The following RANBP2 variants were observed in gnomAD, a reference collection of about 807,000 sequenced individuals.
RANBP2 encodes the protein RAN binding protein 2.
A neutral mutation model predicts 303.6 loss-of-function variants in RANBP2; 57 were observed. That is an observed-to-expected ratio of 0.19 (90% CI 0.15 to 0.23). RANBP2 has a LOEUF of 0.23. Among genes scored for constraint, RANBP2 ranks in the 10% least tolerant of loss-of-function variants. The pLI, the probability that RANBP2 is intolerant of heterozygous loss-of-function variation, is 1.00. For missense variants in RANBP2, 3,138 were observed against 3,780.8 expected (o/e 0.83, Z 4.46); for synonymous variants, 1,167 against 1,301.5 (o/e 0.90, Z 2.23).
the RANBP2 span, among the ~76,000 whole-genome samples, chr2:109,001,046 T>C: frequency 1.3e-5 from 2 of 152,306 alleles, no homozygotes; most frequent in African/African-American, 2.4e-5. Flanking sequence ...CCTCACCCCA[T>C]TGTAGGTTTC....
chr2:108,769,882 A>G (rs994166960), intron 20 of RANBP2, among the ~76,000 whole-genome samples: 2 of 151,966 alleles, frequency 1.3e-5, no homozygotes, highest in Admixed American at 6.6e-5. Flanking sequence ...GGGAAGTGAA[A>G]TCTCACCCTT....
At chr2:109,575,098 C>T in the RANBP2 span, among the ~76,000 whole-genome samples, 2 of 152,154 alleles carry the variant, frequency 1.3e-5, no homozygotes, top group African/African-American at 2.4e-5. Context: ...TTTGTACTTC[C>T]GAAACCATCA....
chr2:109,210,759 G>A, the RANBP2 span, among the ~76,000 whole-genome samples: 1 of 152,166 alleles, frequency 6.6e-6, no homozygotes, highest in Non-Finnish European at 1.5e-5. Flanking sequence ...GAAATGCTGT[G>A]AATTAGTCGA....
the RANBP2 span, among the ~76,000 whole-genome samples, chr2:109,408,600 C>T: frequency 2.0e-5 from 3 of 152,338 alleles, no homozygotes; most frequent in South Asian, 2.1e-4. Flanking sequence ...AGCTTCGCTG[C>T]GGCAAGAGAG....
At chr2:109,108,450 C>G in the RANBP2 span, among the ~76,000 whole-genome samples, 2 of 152,158 alleles carry the variant, frequency 1.3e-5, no homozygotes, top group Non-Finnish European at 1.5e-5. Flanking sequence ...ATTCAGGGCT[C>G]TATTGGAGAA....
chr2:109,451,317 A>G, the RANBP2 span, among the ~76,000 whole-genome samples: 1 of 152,154 alleles, frequency 6.6e-6, no homozygotes, highest in Non-Finnish European at 1.5e-5. Flanking sequence ...GGGTCTCATC[A>G]GGAGGGAGAG....
At chr2:109,006,398 G>T in the RANBP2 span, among the ~76,000 whole-genome samples, 1 of 152,100 alleles carries the variant, frequency 6.6e-6, no homozygotes, top group African/African-American at 2.4e-5. Context: ...GTTTCACTAT[G>T]TTGGCCAGGC....
the RANBP2 span, among the ~76,000 whole-genome samples, chr2:109,446,119 G>A: frequency 7.9e-5 from 12 of 152,198 alleles, no homozygotes; most frequent in Admixed American, 5.2e-4. Context: ...TGGGGCACCC[G>A]GGGTGGGTGA....
the RANBP2 span, chr2:108,794,803 A>G: frequency 1.6e-5 from 16 of 1,008,600 alleles, no homozygotes; most frequent in South Asian, 1.9e-4. Flanking sequence ...AATATAATAT[A>G]TTTCATTTTA....
the RANBP2 span, among the ~76,000 whole-genome samples, chr2:109,006,575 C>T: frequency 3.9e-5 from 6 of 152,188 alleles, no homozygotes; most frequent in Non-Finnish European, 7.3e-5. Flanking sequence ...ACTTGCGAGT[C>T]GTGGCAGCCC....
the RANBP2 span, among the ~76,000 whole-genome samples, chr2:109,517,418 C>T: frequency 6.6e-6 from 1 of 152,178 alleles, no homozygotes; most frequent in East Asian, 1.9e-4. Flanking sequence ...TGGAATCTTC[C>T]GGAAGCTGCC....
the RANBP2 span, among the ~76,000 whole-genome samples, chr2:109,542,041 C>T: frequency 4.6e-5 from 7 of 152,152 alleles, no homozygotes; most frequent in Non-Finnish European, 8.8e-5. Flanking sequence ...GGAGGGAGTA[C>T]GTACCAGGAT....
intron 17 of RANBP2, among the ~76,000 whole-genome samples, chr2:108,756,399 A>G (rs1676318822): frequency 2.0e-5 from 3 of 151,744 alleles, no homozygotes; most frequent in African/African-American, 7.2e-5. Context: ...TTGGAAATAA[A>G]AGTAGGTTCT....
intron 7 of RANBP2, among the ~76,000 whole-genome samples, chr2:108,743,100 T>C (rs1206416790): frequency 6.6e-6 from 1 of 152,182 alleles, no homozygotes; most frequent in Non-Finnish European, 1.5e-5. Context: ...ATAGTTCTTA[T>C]TTTTAATGGA....
At chr2:109,620,161 GT>G in the RANBP2 span, among the ~76,000 whole-genome samples, 1 of 152,290 alleles carries the variant, frequency 6.6e-6, no homozygotes, top group Non-Finnish European at 1.5e-5. Context: ...AAGGTACTCA[GT>G]AAGGGTCTTT....
At chr2:108,860,900 G>A in the RANBP2 span, among the ~76,000 whole-genome samples, 1 of 127,030 alleles carries the variant, frequency 7.9e-6, no homozygotes, top group African/African-American at 2.8e-5. Flanking sequence ...TTGTTCATCT[G>A]GTAGAATTTG....
chr2:109,338,382 C>G, the RANBP2 span, among the ~76,000 whole-genome samples: 1 of 152,044 alleles, frequency 6.6e-6, no homozygotes, highest in East Asian at 1.9e-4. Context: ...GGACCCAGTT[C>G]TAACACAGGC....
At chr2:109,139,312 CT>C in the RANBP2 span, among the ~76,000 whole-genome samples, 572 of 146,144 alleles carry the variant, frequency 3.9e-3, 9 homozygotes, top group South Asian at 0.026. Flanking sequence ...TGAGACTGAC[CT>C]TTTTTTTTTT....
intron 6 of RANBP2, among the ~76,000 whole-genome samples, chr2:108,737,834 C>G (rs1695734462): frequency 1.3e-5 from 2 of 150,828 alleles, no homozygotes; most frequent in Non-Finnish European, 3.0e-5. Context: ...CTGCCTCAGC[C>G]TCCTGAGTAG....
Sources: gnomAD v4.1 joint callset for allele counts (sites outside exome capture counted in the v4.1 genomes callset) on GRCh38, gnomAD v4.1.1 for gene constraint, MANE v1.5 for transcripts, NCBI Gene and HGNC (gene_info 2026-07-23, HGNC 2026-07-21) for gene names.